Variants in TMTC4 observed in about 807,000 individuals in gnomAD.
TMTC4 encodes the protein protein O-mannosyl-transferase TMTC4.
A neutral mutation model predicts 86.0 loss-of-function variants in TMTC4; 65 were observed. The ratio of observed to expected loss-of-function variants is 0.76; its 90% CI spans 0.62 to 0.93. The LOEUF is 0.93. TMTC4 is among the 40% of genes least tolerant of loss of function. The probability of loss-of-function intolerance (pLI) is 0.00; values close to 1 mark genes in which losing one functional copy is unlikely to be tolerated. For missense variants in TMTC4, 866 were observed against 948.1 expected (o/e 0.91, Z 1.14); for synonymous variants, 379 against 382.5 (o/e 0.99, Z 0.11).
chr13:100,663,066 G>A lies in TMTC4; in HGVS notation c.450C>T (p.Gly150=), dbSNP rs746987445. The A allele has an allele frequency of 1.5e-5, 25 of 1,613,998 alleles. No individual in the cohort carries two copies. Among genetic ancestry groups the A allele is most frequent in the South Asian group, 9.9e-5 (9 of 91,074 alleles). Residue 150 remains glycine, a synonymous_variant, in exon 5 of 19, where the codon GGC becomes GGT. Transcript: ENST00000342624. ...LMVDVFSVLF[G]GLQYTSKGRR... ...GGCCTTTACTGGTGTACTGCAGGCC[G>A]CCAAACAGAACCGAGAAGACGTCCA...
intron 7 of TMTC4, among the ~76,000 whole-genome samples, chr13:100,640,344 G>A (rs887601306): frequency 5.3e-5 from 8 of 151,950 alleles, no homozygotes; most frequent in Admixed American, 1.3e-4. Flanking sequence ...ATAGTGCCAA[G>A]GTTGAAAAAC....
At chr13:100,661,875 T>A (rs1566637529) in intron 5 of TMTC4, among the ~76,000 whole-genome samples, 1 of 152,184 alleles carries the variant, frequency 6.6e-6, no homozygotes, top group Non-Finnish European at 1.5e-5. Context: ...AAGTCTACTG[T>A]GAGGGAAGTA....
chr13:100,634,492 G>C (rs866672767), intron 12 of TMTC4, among the ~76,000 whole-genome samples: 2 of 151,944 alleles, frequency 1.3e-5, no homozygotes, highest in Non-Finnish European at 2.9e-5. Context: ...GTCTGAATAC[G>C]CAATGTCACC....
At chr13:100,665,318 T>C (rs996019556) in intron 3 of TMTC4, among the ~76,000 whole-genome samples, 1 of 151,816 alleles carries the variant, frequency 6.6e-6, no homozygotes, top group Admixed American at 6.6e-5. Context: ...TAAACAGGAG[T>C]GTTTTAGGGA....
At chr13:100,640,031 G>A (rs1197195697) in intron 7 of TMTC4, among the ~76,000 whole-genome samples, 3 of 151,970 alleles carry the variant, frequency 2.0e-5, no homozygotes, top group Non-Finnish European at 2.9e-5. Flanking sequence ...TGGAAATTCC[G>A]ACTCAGCAGG....
At chr13:100,621,741 T>C (rs968704051) in intron 15 of TMTC4, among the ~76,000 whole-genome samples, 6 of 152,232 alleles carry the variant, frequency 3.9e-5, no homozygotes, top group African/African-American at 9.6e-5. Context: ...AGAATTCTTA[T>C]GAATACCAAG....
At chr13:100,619,688 A>T (rs1879191822) in intron 15 of TMTC4, among the ~76,000 whole-genome samples, 1 of 152,246 alleles carries the variant, frequency 6.6e-6, no homozygotes, top group South Asian at 2.1e-4. Flanking sequence ...CATGAGACTC[A>T]GAAACTCAAG....
chr13:100,649,803 CTTAATA>C (rs1446091756), intron 6 of TMTC4, among the ~76,000 whole-genome samples: 1 of 148,408 alleles, frequency 6.7e-6, no homozygotes, highest in African/African-American at 2.5e-5. Flanking sequence ...ATAAAAATTA[CTTAATA>C]TTTAAAAACT....
chr13:100,634,992 G>C (rs1882009768), intron 11 of TMTC4, 32 bp downstream of exon 11: 1 of 1,609,242 alleles, frequency 6.2e-7, no homozygotes. Flanking sequence ...CGGTCATTCT[G>C]TTCATCAGCT....
intron 6 of TMTC4, among the ~76,000 whole-genome samples, chr13:100,646,246 T>C (rs937900316): frequency 2.0e-5 from 3 of 152,178 alleles, no homozygotes; most frequent in Non-Finnish European, 4.4e-5. Context: ...GCCTGGCTCA[T>C]AGGAGCAACT....
chr13:100,635,159 T>C lies in TMTC4; in HGVS notation c.1239A>G (p.Pro413=), dbSNP rs1369124691. 3.7e-6 allele frequency: 6 copies of C among 1,612,130 alleles called. No homozygotes were observed. The Middle Eastern group carries it at 6.6e-4, about 178-fold the overall frequency. ...AGAACAGGTTACTCGCGGGGAGAAATGGGATAACGAGAAATCCCAGGCCCA... is the reference window on the plus strand; with the variant it reads ...AGAACAGGTTACTCGCGGGGAGAAACGGGATAACGAGAAATCCCAGGCCCA... ...LTLGLGFLVI[P]FLPASNLFFR... is the part of the protein sequence containing the mutation. The change falls in exon 11 of 19, where the codon CCA becomes CCG. Residue 413 remains proline (P), a synonymous_variant. Coordinates refer to ENST00000342624, the MANE Select transcript of TMTC4 (RefSeq NM_032813.5).
chr13:100,642,347 T>A, intron 6 of TMTC4, 36 bp from the exon 7 acceptor site: 1 of 1,609,282 alleles, frequency 6.2e-7, no homozygotes, highest in Non-Finnish European at 8.5e-7. Context: ...GCAAAAGTCA[T>A]GGAATGCAGC....
rs185216605 is a variant in TMTC4 at position 100,666,103 on chromosome 13, G to A, written c.220-1767C>T. 571 of 453,278 alleles carry A rather than the reference G, an allele frequency of 1.3e-3. 2 individuals carry two copies. The highest frequency in any genetic ancestry group is 2.0e-3 in the Middle Eastern group (6 of 3,058). The allele number at this position is 453,278 out of a possible 1,614,324, so 28.1% of individuals were successfully genotyped here. A position where few individuals can be genotyped will look rare whatever the true frequency, so the allele number is the denominator to read the frequency against. On this transcript the variant is annotated intron_variant, in intron 3 of 18. Transcript: ENST00000342624. ...GATTAAGTGGAGCCTCCACAGCAGG[G>A]TGTGCTACAGAAAGAAAGGTCAATT...
intron 6 of TMTC4, among the ~76,000 whole-genome samples, chr13:100,655,839 G>C (rs1380350202): frequency 7.3e-6 from 1 of 137,236 alleles, no homozygotes; most frequent in African/African-American, 2.6e-5. Flanking sequence ...CCCTGAGTGG[G>C]CACTGGCACA....
At chr13:100,661,817 C>T (rs1885814419) in intron 5 of TMTC4, among the ~76,000 whole-genome samples, 1 of 152,196 alleles carries the variant, frequency 6.6e-6, no homozygotes, top group South Asian at 2.1e-4. Context: ...CTTCAAGAAG[C>T]AACATGCAAT....
intron 12 of TMTC4, among the ~76,000 whole-genome samples, chr13:100,630,853 C>T (rs368805846): frequency 7.9e-5 from 12 of 152,238 alleles, no homozygotes; most frequent in Middle Eastern, 3.4e-3. Flanking sequence ...AGGAGAAGGA[C>T]GTGGGACTCT....
At chr13:100,618,943 C>T (rs1293165664) in intron 15 of TMTC4, among the ~76,000 whole-genome samples, 1 of 152,240 alleles carries the variant, frequency 6.6e-6, no homozygotes, top group Non-Finnish European at 1.5e-5. Context: ...CCCACCTTTC[C>T]CCCCTTTCTA....
intron 7 of TMTC4, among the ~76,000 whole-genome samples, chr13:100,640,120 C>T (rs892435537): frequency 3.9e-5 from 6 of 152,100 alleles, no homozygotes; most frequent in African/African-American, 1.4e-4. Flanking sequence ...GTCCTCAAAC[C>T]ACACTTCGTA....
intron 10 of TMTC4, 119 bp downstream of exon 10, chr13:100,636,413 T>C (rs1882208461): frequency 8.1e-7 from 1 of 1,232,688 alleles, no homozygotes; most frequent in East Asian, 2.4e-5. Context: ...AAATATGCAT[T>C]TGAAACAAAT....
Sources: allele counts gnomAD v4.1 joint callset (sites outside exome capture counted in the v4.1 genomes callset), GRCh38; gene constraint gnomAD v4.1.1; transcripts MANE v1.5; gene names NCBI Gene and HGNC (gene_info 2026-07-23, HGNC 2026-07-21).